Variants in NFATC3 observed in about 807,000 individuals in gnomAD.
NFATC3 encodes the protein nuclear factor of activated T cells 3.
In NFATC3, 46 loss-of-function variants were observed where a neutral mutation model predicts 98.6. The ratio of observed to expected loss-of-function variants is 0.47; its 90% CI spans 0.37 to 0.60. NFATC3 has a LOEUF of 0.60. Among genes scored for constraint, NFATC3 ranks in the 20% least tolerant of loss-of-function variants. NFATC3 has a pLI of 0.00. For synonymous variants in NFATC3, 512 were observed against 472.2 expected (o/e 1.08, Z -1.09); for missense variants, 1,256 against 1,295.5 (o/e 0.97, Z 0.47).
chr16:68,126,704 A>G, intron 3 of NFATC3, 94 bp downstream of exon 3: 2 of 1,258,124 alleles, frequency 1.6e-6, no homozygotes, highest in East Asian at 4.7e-5. Context: ...TGCAAAGAGC[A>G]TAAACTCAAA....
At position 68,123,130 on chromosome 16, in the gene NFATC3, AT is replaced by A; in HGVS notation, c.1238+10del. 1 of 1,584,902 alleles carries A rather than the reference AT, an allele frequency of 6.3e-7. No homozygotes were observed. The highest frequency in any genetic ancestry group is 8.5e-7 in the Non-Finnish European group (1 of 1,173,018). ...CACACCCCTATATTTCGGTGAGTTG[AT>A]GGAAATGGCTGCTGGTCATTTTTCA... On this transcript the variant is annotated intron_variant, in intron 2 of 9. Coordinates refer to ENST00000346183, the MANE Select transcript of NFATC3 (RefSeq NM_173165.3).
chr16:68,154,239 G>A (rs2038491838), intron 3 of NFATC3, among the ~76,000 whole-genome samples: 1 of 152,102 alleles, frequency 6.6e-6, no homozygotes, highest in African/African-American at 2.4e-5. Context: ...GTTTCCTAGT[G>A]ATACCATCAT....
intron 8 of NFATC3, among the ~76,000 whole-genome samples, chr16:68,190,111 CTT>C (rs747739216): frequency 1.3e-5 from 2 of 152,220 alleles, no homozygotes; most frequent in Non-Finnish European, 2.9e-5. Flanking sequence ...AGAAATATAA[CTT>C]ACTATTTTTG....
chr16:68,150,239 C>T (rs1236326812), intron 3 of NFATC3, among the ~76,000 whole-genome samples: 11 of 152,024 alleles, frequency 7.2e-5, no homozygotes, highest in Non-Finnish European at 2.9e-5. Context: ...GCCCCACATC[C>T]ATTTTGTAAT....
chr16:68,190,393 A>G (rs1015298823), intron 8 of NFATC3, among the ~76,000 whole-genome samples: 1 of 152,186 alleles, frequency 6.6e-6, no homozygotes, highest in African/African-American at 2.4e-5. Flanking sequence ...TGTTTTAGTT[A>G]CTTAATTTTG....
At chr16:68,208,186 C>T (rs2041228230) in intron 9 of NFATC3, among the ~76,000 whole-genome samples, 1 of 152,068 alleles carries the variant, frequency 6.6e-6, no homozygotes, top group Admixed American at 6.6e-5. Context: ...CAGGCTCACA[C>T]CACCACGCCT....
In NFATC3 at chr16:68,191,721, G is replaced by T; in HGVS notation, c.3052G>T (p.Asp1018Tyr). 6.2e-7 allele frequency: 1 copy of T among 1,614,172 alleles called. No individual in the cohort carries two copies. The highest frequency in any genetic ancestry group is 8.5e-7 in the Non-Finnish European group (1 of 1,180,038). ...TGTGAGCATTAAACCTGAACCAGAA[G>T]ATCGAGAGCCTAACTTTGCAACCAT... ...ATVSIKPEPE[D>Y]REPNFATIGL... The change falls in exon 9 of 10, where the codon GAT (aspartate) becomes TAT (tyrosine). Residue 1018 changes from aspartate to tyrosine, a missense_variant. This residue lies in a region of NFATC3 where 636 missense variants were observed against 617.3 expected (regional missense o/e 1.03). Transcript: ENST00000346183.
At chr16:68,211,015 C>T (rs1259858640) in intron 9 of NFATC3, among the ~76,000 whole-genome samples, 1 of 151,964 alleles carries the variant, frequency 6.6e-6, no homozygotes, top group Non-Finnish European at 1.5e-5. Context: ...AACTCCTGAC[C>T]TCGTGATCCA....
chr16:68,146,598 T>C (rs2038051654), intron 3 of NFATC3, among the ~76,000 whole-genome samples: 1 of 152,184 alleles, frequency 6.6e-6, no homozygotes, highest in African/African-American at 2.4e-5. Context: ...AATTTTGTAT[T>C]TTTAGTATTT....
intron 3 of NFATC3, among the ~76,000 whole-genome samples, chr16:68,153,826 G>C (rs2038469361): frequency 6.6e-6 from 1 of 152,028 alleles, no homozygotes; most frequent in African/African-American, 2.4e-5. Context: ...TGTTAGCCAG[G>C]ATGGTCTCGA....
rs763240076 is a variant in NFATC3 at position 68,182,761 on chromosome 16, C to T, written c.1972-479C>T. Among the ~76,000 whole-genome samples, 86 of 152,134 alleles carry T rather than the reference C, an allele frequency of 5.7e-4. 1 individual carries two copies. The highest frequency in any genetic ancestry group is 9.0e-4 in the Non-Finnish European group (61 of 68,000). ...CTCAAACTCCTGACCTCAAGTGATC[C>T]GCCCACCTCAGCCTCCCAAAGTGCT... On this transcript the variant is annotated intron_variant, in intron 7 of 9. Transcript: ENST00000346183.
At chr16:68,209,956 A>G (rs2041308530) in intron 9 of NFATC3, among the ~76,000 whole-genome samples, 1 of 148,502 alleles carries the variant, frequency 6.7e-6, no homozygotes, top group Admixed American at 6.7e-5. Flanking sequence ...GCTCGAGCCC[A>G]AGAGTTCAAG....
At chr16:68,153,641 T>C (rs1657807278) in intron 3 of NFATC3, among the ~76,000 whole-genome samples, 1 of 151,958 alleles carries the variant, frequency 6.6e-6, no homozygotes, top group African/African-American at 2.4e-5. Flanking sequence ...TGAGACAGAG[T>C]CTCGCTCTGT....
chr16:68,142,495 C>T (rs1455965432), intron 3 of NFATC3, among the ~76,000 whole-genome samples: 3 of 152,000 alleles, frequency 2.0e-5, no homozygotes, highest in Non-Finnish European at 2.9e-5. Context: ...TGGTGACTCA[C>T]GCCTGTAATC....
At chr16:68,152,126 G>A (rs2038362263) in intron 3 of NFATC3, among the ~76,000 whole-genome samples, 1 of 150,740 alleles carries the variant, frequency 6.6e-6, no homozygotes, top group Non-Finnish European at 1.5e-5. Context: ...ACTTTGAGAG[G>A]CCAAGGTGGA....
chr16:68,170,908 C>T, intron 5 of NFATC3, among the ~76,000 whole-genome samples: 1 of 152,182 alleles, frequency 6.6e-6, no homozygotes, highest in East Asian at 1.9e-4. Flanking sequence ...TTCACTTATA[C>T]TATCATAGAT....
intron 4 of NFATC3, among the ~76,000 whole-genome samples, chr16:68,164,157 CG>C (rs1442902126): frequency 1.3e-5 from 2 of 152,240 alleles, no homozygotes; most frequent in East Asian, 3.9e-4. Context: ...CCCAGCACCT[CG>C]GGAGGCCGAG....
intron 8 of NFATC3, among the ~76,000 whole-genome samples, chr16:68,186,430 C>T (rs1045167459): frequency 6.6e-6 from 1 of 152,046 alleles, no homozygotes; most frequent in Non-Finnish European, 1.5e-5. Context: ...GTCCCAGCTG[C>T]TGGGGAGGCT....
chr16:68,106,784 T>C (rs1456071416), intron 1 of NFATC3, among the ~76,000 whole-genome samples: 1 of 151,834 alleles, frequency 6.6e-6, no homozygotes, highest in East Asian at 1.9e-4. Flanking sequence ...CTTGGATACA[T>C]GTGCAGGATA....
Sources: gnomAD v4.1 joint callset for allele counts (sites outside exome capture counted in the v4.1 genomes callset) on GRCh38, gnomAD v4.1.1 for gene constraint, gnomAD v4.1.1 regional missense constraint, MANE v1.5 for transcripts, NCBI Gene and HGNC (gene_info 2026-07-23, HGNC 2026-07-21) for gene names.